COL4A6: variants seen among roughly 807,000 people sequenced by gnomAD.
COL4A6 encodes collagen type IV alpha 6 chain.
In COL4A6, 59 loss-of-function variants were observed where a neutral mutation model predicts 126.7. The observed-to-expected ratio is 0.47, with a 90% CI of 0.38 to 0.58. The LOEUF is 0.58. Among genes scored for constraint, COL4A6 ranks in the 20% least tolerant of loss-of-function variants. The pLI is 0.00. For synonymous variants in COL4A6, 547 were observed against 496.6 expected, an observed-to-expected ratio of 1.10 and a Z score of -1.35; for missense variants, 1,285 against 1,337.3, an observed-to-expected ratio of 0.96 and a Z score of 0.61.
intron 8 of COL4A6, among the ~76,000 whole-genome samples, chrX:108,208,269 A>G (rs930591034): frequency 6.3e-5 from 7 of 111,080 alleles, no homozygotes; most frequent in African/African-American, 2.3e-4. Flanking sequence ...ATGAACAGAA[A>G]CACTAGACAA....
chrX:108,386,729 A>G (rs1417070086), intron 2 of COL4A6, among the ~76,000 whole-genome samples: 1 of 111,127 alleles, frequency 9.0e-6, no homozygotes, highest in East Asian at 2.8e-4. Context: ...ATTAGATCCC[A>G]TTTGTCTATT....
chrX:108,416,242 T>C (rs992899340), intron 2 of COL4A6, among the ~76,000 whole-genome samples: 7 of 111,809 alleles, frequency 6.3e-5, no homozygotes, highest in African/African-American at 1.9e-4. Flanking sequence ...GAGTCTCAGG[T>C]TTCTCATTTG....
At chrX:108,161,193 C>T (rs747059078) in intron 42 of COL4A6, among the ~76,000 whole-genome samples, 1 of 111,627 alleles carries the variant, frequency 9.0e-6, no homozygotes, top group Admixed American at 9.4e-5. Context: ...TTTGTCATCC[C>T]CAATATAAAG....
At chrX:108,220,238 G>A (rs2035981720) in intron 4 of COL4A6, among the ~76,000 whole-genome samples, 1 of 112,203 alleles carries the variant, frequency 8.9e-6, no homozygotes, top group South Asian at 3.7e-4. Context: ...CTGCCCTACT[G>A]ATACTACAAA....
At chrX:108,323,234 T>G (rs984702758) in intron 2 of COL4A6, among the ~76,000 whole-genome samples, 6 of 112,134 alleles carry the variant, frequency 5.4e-5, no homozygotes, top group African/African-American at 1.9e-4. Flanking sequence ...GCCTGCTGTA[T>G]GCTTGCTAGA....
At position 108,157,348 on chromosome X, in the gene COL4A6, C is replaced by T. The variant is rs756892046; in HGVS notation, c.4813-88G>A. The T allele has an allele frequency of 1.5e-5, 16 of 1,097,276 alleles. No individual in the cohort carries two copies. The Admixed American group carries it at 1.6e-4, about 11-fold the overall frequency. The allele number at this position is 1,097,276 out of a possible 1,213,427, so 90.4% of individuals were successfully genotyped here. On this transcript the variant is annotated intron_variant, in intron 44 of 44. Coordinates refer to ENST00000334504, the MANE Select transcript of COL4A6 (RefSeq NM_033641.4). ...TGGGTGCTCCACTGCTACAGGGGCACATGAGCTCCATTCCTAAGCCCTGGT... is the reference window on the plus strand; with the variant it reads ...TGGGTGCTCCACTGCTACAGGGGCATATGAGCTCCATTCCTAAGCCCTGGT...
intron 3 of COL4A6, among the ~76,000 whole-genome samples, chrX:108,310,456 G>A (rs1371654327): frequency 9.0e-6 from 1 of 111,672 alleles, no homozygotes; most frequent in Non-Finnish European, 1.9e-5. Context: ...TACAAACATT[G>A]TCACAATCTG....
chrX:108,303,170 G>A (rs1359587247), intron 3 of COL4A6, among the ~76,000 whole-genome samples: 1 of 111,150 alleles, frequency 9.0e-6, no homozygotes, highest in African/African-American at 3.3e-5. Flanking sequence ...TCAAAGATAA[G>A]TGACATAGGA....
chrX:108,256,699 T>A (rs1332106523), intron 3 of COL4A6, among the ~76,000 whole-genome samples: 1 of 111,169 alleles, frequency 9.0e-6, no homozygotes, highest in Non-Finnish European at 1.9e-5. Flanking sequence ...TATCAGGTAC[T>A]CACCCCGAGA....
chrX:108,172,584 A>C, intron 31 of COL4A6, 52 bp from the exon 32 acceptor site: 2 of 965,912 alleles, frequency 2.1e-6, no homozygotes, highest in Admixed American at 2.4e-5. Flanking sequence ...AGGACTGCCC[A>C]CCCTCTTACT....
Position 108,346,903 on chromosome X carries a change from G to A in COL4A6, c.64-36075C>T, listed in dbSNP as rs182252397. ...GTCAAGATATAAATGTTTGCAAAGCGAAATCATAAGGAGCACCTCCTGCCA... is the reference window on the plus strand; with the variant it reads ...GTCAAGATATAAATGTTTGCAAAGCAAAATCATAAGGAGCACCTCCTGCCA... On this transcript the variant is annotated intron_variant, in intron 2 of 44. Transcript: ENST00000334504. Among the ~76,000 whole-genome samples, 799 of 112,136 alleles carry A rather than the reference G, an allele frequency of 7.1e-3. 1 individual carries two copies. The highest frequency in any genetic ancestry group is 0.025 in the African/African-American group (766 of 30,855).
intron 3 of COL4A6, among the ~76,000 whole-genome samples, chrX:108,252,449 T>C (rs2036873761): frequency 9.0e-6 from 1 of 111,691 alleles, no homozygotes; most frequent in East Asian, 2.8e-4. Flanking sequence ...AACATGGAAG[T>C]ACAGATATAT....
chrX:108,395,997 G>A (rs1397712676), intron 2 of COL4A6, among the ~76,000 whole-genome samples: 1 of 111,616 alleles, frequency 9.0e-6, no homozygotes, highest in Non-Finnish European at 1.9e-5. Context: ...TTGTGTTTAA[G>A]TGTTTTAAAA....
chrX:108,327,737 C>G (rs2039193013), intron 2 of COL4A6, among the ~76,000 whole-genome samples: 1 of 109,553 alleles, frequency 9.1e-6, no homozygotes, highest in African/African-American at 3.3e-5. Flanking sequence ...TGTGGTGATG[C>G]TTTCATGCTT....
chrX:108,182,624 T>C (rs1248550531), intron 23 of COL4A6, among the ~76,000 whole-genome samples: 3 of 112,292 alleles, frequency 2.7e-5, no homozygotes, highest in Non-Finnish European at 5.6e-5. Context: ...TTCAACCTTG[T>C]GCTTGGCTCA....
At chrX:108,353,077 G>A (rs942320909) in intron 2 of COL4A6, among the ~76,000 whole-genome samples, 2 of 111,988 alleles carry the variant, frequency 1.8e-5, no homozygotes, top group African/African-American at 6.5e-5. Flanking sequence ...GCTATACAGG[G>A]TAGTGGTTAT....
At chrX:108,273,162 T>C (rs1602975626) in intron 3 of COL4A6, among the ~76,000 whole-genome samples, 2 of 110,431 alleles carry the variant, frequency 1.8e-5, no homozygotes, top group African/African-American at 6.6e-5. Context: ...CATCTAAAAG[T>C]GGGCGAAGGA....
intron 2 of COL4A6, among the ~76,000 whole-genome samples, chrX:108,362,545 CA>C (rs2040111747): frequency 9.0e-6 from 1 of 111,662 alleles, no homozygotes; most frequent in African/African-American, 3.3e-5. Context: ...GCTGGGCTCC[CA>C]ATCCAAAAAT....
intron 8 of COL4A6, among the ~76,000 whole-genome samples, chrX:108,209,427 T>A: frequency 9.0e-6 from 1 of 111,164 alleles, no homozygotes; most frequent in East Asian, 2.8e-4. Flanking sequence ...AAAGAGTGAA[T>A]ACAGGAAAGG....
Sources: gnomAD v4.1 joint callset for allele counts (sites outside exome capture counted in the v4.1 genomes callset) on GRCh38, gnomAD v4.1.1 for gene constraint, MANE v1.5 for transcripts, NCBI Gene and HGNC (gene_info 2026-07-23, HGNC 2026-07-21) for gene names.